Variants in PRR16 observed in about 807,000 individuals in gnomAD.
PRR16 encodes the protein protein Largen.
A neutral mutation model predicts 18.2 loss-of-function variants in PRR16; 6 were observed. The ratio of observed to expected loss-of-function variants is 0.33; its 90% CI spans 0.18 to 0.65. The LOEUF (loss-of-function observed/expected upper bound fraction) is 0.65, where lower values mean the gene tolerates loss of function less well. PRR16 is among the 30% of genes least tolerant of loss of function. PRR16 has a pLI of 0.74. For missense variants in PRR16, 412 were observed against 376.6 expected (o/e 1.09, Z -0.78); for synonymous variants, 151 against 147.8 (o/e 1.02, Z -0.16).
At chr5:120,673,808 A>T (rs1039725732) in intron 1 of PRR16, among the ~76,000 whole-genome samples, 14 of 152,048 alleles carry the variant, frequency 9.2e-5, no homozygotes, top group African/African-American at 3.4e-4. Context: ...AAAAAAAATT[A>T]GCCCGGCATG....
At chr5:120,621,250 A>G (rs1255382067) in intron 1 of PRR16, among the ~76,000 whole-genome samples, 1 of 152,100 alleles carries the variant, frequency 6.6e-6, no homozygotes, top group Non-Finnish European at 1.5e-5. Context: ...TTTTTGAAAT[A>G]TAAAGGGATT....
chr5:120,735,636 T>C, the PRR16 span, among the ~76,000 whole-genome samples: 1 of 149,678 alleles, frequency 6.7e-6, no homozygotes, highest in Admixed American at 6.7e-5. Flanking sequence ...ACTATTCAAG[T>C]CCTTTGCCCA....
chr5:120,518,181 G>T (rs186646837), intron 1 of PRR16, among the ~76,000 whole-genome samples: 2 of 152,164 alleles, frequency 1.3e-5, no homozygotes, highest in Admixed American at 1.3e-4. Flanking sequence ...GGCAGCTTAT[G>T]GGTTAAATGA....
intron 1 of PRR16, among the ~76,000 whole-genome samples, chr5:120,564,716 G>A (rs1404350176): frequency 6.6e-6 from 1 of 152,110 alleles, no homozygotes; most frequent in Non-Finnish European, 1.5e-5. Context: ...GCTGGGCATG[G>A]TGGCTCACGC....
chr5:120,693,665 AC>A, the PRR16 span, among the ~76,000 whole-genome samples: 1 of 151,948 alleles, frequency 6.6e-6, no homozygotes, highest in African/African-American at 2.4e-5. Context: ...ATAGGAAATT[AC>A]TATTTACTCA....
chr5:120,773,327 A>G, the PRR16 span, among the ~76,000 whole-genome samples: 1 of 152,170 alleles, frequency 6.6e-6, no homozygotes. Flanking sequence ...TGCAAAGTCC[A>G]TAAGGACTGA....
At chr5:120,685,879 A>G (rs1580881576) in intron 1 of PRR16, 75 bp from the exon 2 acceptor site, 1 of 1,437,440 alleles carries the variant, frequency 7.0e-7, no homozygotes, top group East Asian at 2.3e-5. Flanking sequence ...GATTTCCCCT[A>G]GACAAAAATA....
At chr5:120,587,639 C>T (rs1292182925) in intron 1 of PRR16, among the ~76,000 whole-genome samples, 1 of 152,120 alleles carries the variant, frequency 6.6e-6, no homozygotes, top group East Asian at 1.9e-4. Flanking sequence ...CTGTTGAGAC[C>T]TACTACTCAG....
chr5:120,702,069 C>T, the PRR16 span, among the ~76,000 whole-genome samples: 4 of 151,652 alleles, frequency 2.6e-5, no homozygotes, highest in African/African-American at 4.9e-5. Flanking sequence ...GAAAGATTGC[C>T]CATAGTGAGG....
chr5:120,766,407 C>A, the PRR16 span, among the ~76,000 whole-genome samples: 1 of 151,708 alleles, frequency 6.6e-6, no homozygotes, highest in Non-Finnish European at 1.5e-5. Context: ...CCAATGTGAA[C>A]CCTCTATTCA....
the PRR16 span, among the ~76,000 whole-genome samples, chr5:120,718,746 CTACCAAT>C: frequency 6.6e-6 from 1 of 152,050 alleles, no homozygotes. Flanking sequence ...CAGGACTCTC[CTACCAAT>C]GAGTTATGAG....
chr5:120,465,373 G>A (rs1025582647), intron 1 of PRR16, among the ~76,000 whole-genome samples: 8 of 152,252 alleles, frequency 5.3e-5, no homozygotes, highest in Admixed American at 5.2e-4. Flanking sequence ...CCGAGAAGCA[G>A]GACGCGCAGG....
At chr5:120,769,178 C>T in the PRR16 span, among the ~76,000 whole-genome samples, 1 of 151,494 alleles carries the variant, frequency 6.6e-6, no homozygotes, top group Non-Finnish European at 1.5e-5. Context: ...CACTTCTACA[C>T]AGCTGATTTT....
chr5:120,765,983 AATTT>A, the PRR16 span, among the ~76,000 whole-genome samples: 529 of 152,122 alleles, frequency 3.5e-3, 3 homozygotes, highest in African/African-American at 0.012. Context: ...AACATACCAC[AATTT>A]ATTTATCCAT....
intron 1 of PRR16, among the ~76,000 whole-genome samples, chr5:120,666,546 A>G (rs1238789413): frequency 6.6e-6 from 1 of 151,952 alleles, no homozygotes; most frequent in Non-Finnish European, 1.5e-5. Flanking sequence ...CAGTTTTCAA[A>G]GGGAATGCTT....
the PRR16 span, among the ~76,000 whole-genome samples, chr5:120,713,437 A>C: frequency 6.6e-6 from 1 of 152,210 alleles, no homozygotes; most frequent in African/African-American, 2.4e-5. Context: ...TCTTAATAAG[A>C]AATAGTAAAT....
intron 1 of PRR16, among the ~76,000 whole-genome samples, chr5:120,549,243 G>T (rs1400507481): frequency 6.6e-6 from 1 of 151,900 alleles, no homozygotes; most frequent in Non-Finnish European, 1.5e-5. Flanking sequence ...GTATGTGTGT[G>T]TGTCACTTCA....
At chr5:120,777,270 A>C in the PRR16 span, among the ~76,000 whole-genome samples, 1,145 of 152,256 alleles carry the variant, frequency 7.5e-3, 7 homozygotes, top group Non-Finnish European at 0.012. Context: ...AGTGCCAGCC[A>C]TATGTCGGAC....
the PRR16 span, among the ~76,000 whole-genome samples, chr5:120,738,525 ACAT>A: frequency 3.3e-5 from 5 of 152,288 alleles, no homozygotes; most frequent in African/African-American, 4.8e-5. Flanking sequence ...AACTTTAATA[ACAT>A]CATCATTATG....
Sources: allele counts gnomAD v4.1 joint callset (sites outside exome capture counted in the v4.1 genomes callset), GRCh38; gene constraint gnomAD v4.1.1; transcripts MANE v1.5; gene names NCBI Gene and HGNC (gene_info 2026-07-23, HGNC 2026-07-21).